The following KLKB1 variants were observed in gnomAD, a reference collection of about 807,000 sequenced individuals.
The protein encoded by KLKB1 is plasma kallikrein.
Under a neutral mutation model 73.6 loss-of-function variants are expected in KLKB1, and 58 were observed. That is an observed-to-expected ratio of 0.79 (90% CI 0.64 to 0.98). The LOEUF is 0.98. Among genes scored for constraint, KLKB1 ranks in the 50% least tolerant of loss-of-function variants. KLKB1 has a pLI of 0.00. For synonymous variants in KLKB1, 280 were observed against 258.1 expected (o/e 1.08, Z -0.81); for missense variants, 737 against 763.8 (o/e 0.96, Z 0.41).
chr4:186,227,421 T>C (rs1273781146), upstream of KLKB1: 3 of 152,228 alleles, frequency 2.0e-5, no homozygotes, highest in Non-Finnish European at 4.4e-5. Context: ...GATAGGATGT[T>C]CATGGAATAT....
In KLKB1 at chr4:186,250,828, G is replaced by C. The variant is rs1738629388; in HGVS notation, c.759-391G>C. 5.3e-5 allele frequency among the ~76,000 whole-genome samples: 8 copies of C among 152,302 alleles called. No homozygotes were observed. The South Asian group carries it at 1.7e-3, about 32-fold the overall frequency. ...ATTCTGATCAAGGCTCTGGCCCACT[G>C]TCTTTATCTCAGATAACCCACCCTC... On this transcript the variant is annotated intron_variant, in intron 7 of 14. Transcript: ENST00000264690.
At chr4:186,238,183 C>A in intron 5 of KLKB1, 73 bp from the exon 6 acceptor site, 1 of 948,804 alleles carries the variant, frequency 1.1e-6, no homozygotes, top group Non-Finnish European at 1.7e-6. Context: ...CATTTTAATA[C>A]TAACTGTTAC....
rs770012003 is a variant in KLKB1, at chr4:186,251,223, G to A, written c.763G>A (p.Val255Ile). The A allele has an allele frequency of 2.5e-6, 4 of 1,588,534 alleles. No homozygotes were observed. Among genetic ancestry groups the A allele is most frequent in the Non-Finnish European group, 3.5e-6 (4 of 1,158,238 alleles). ...GCTTTTTTTTAAAAAAAATAGAAAT[G>A]TTTGTCTTCTTAAAACATCTGAAAG... ...NVWKIESQRNVCLLKTSESGT... is the reference protein window; with the variant it reads ...NVWKIESQRNICLLKTSESGT... The change falls in exon 8 of 15, where the codon GTT (valine) becomes ATT (isoleucine). Residue 255 changes from valine to isoleucine, a missense_variant. By Grantham distance (29) the Val-to-Ile change is conservative (BLOSUM62 3). Coordinates refer to ENST00000264690, the MANE Select transcript of KLKB1 (RefSeq NM_000892.5).
Position 186,232,307 on chromosome 4 carries a change from AT to A in KLKB1, c.221+20del. On this transcript the variant is annotated intron_variant, in intron 3 of 14. Transcript: ENST00000264690. Reference sequence around the variant, plus strand: ...GAGAAAAGGTAAAAGTTGGTATTTCATTATTGGAGAAGCTGTTTTTCAAAAC... The same window carrying A: ...GAGAAAAGGTAAAAGTTGGTATTTCATATTGGAGAAGCTGTTTTTCAAAAC... 6.2e-7 allele frequency: 1 copy of A among 1,610,092 alleles called. No homozygotes were observed. The highest frequency in any genetic ancestry group is 8.5e-7 in the Non-Finnish European group (1 of 1,176,320).
At chr4:186,257,784 G>A (rs1019093696) in intron 14 of KLKB1, among the ~76,000 whole-genome samples, 5 of 132,436 alleles carry the variant, frequency 3.8e-5, no homozygotes, top group Non-Finnish European at 6.4e-5. Context: ...TGTGTGTCTG[G>A]CAAGCAAGGT....
chr4:186,218,726 A>G (rs993134655), intron 2 of KLKB1, among the ~76,000 whole-genome samples: 2 of 152,074 alleles, frequency 1.3e-5, no homozygotes, highest in African/African-American at 2.4e-5. Flanking sequence ...AGTATTATGA[A>G]CTATAGTCAC....
chr4:186,236,825 A>C lies in KLKB1; in HGVS notation c.373A>C (p.Asn125His). 6.2e-7 allele frequency: 1 copy of C among 1,614,096 alleles called. No individual in the cohort carries two copies. The highest frequency in any genetic ancestry group is 8.5e-7 in the Non-Finnish European group (1 of 1,179,982). Residue 125 changes from asparagine (N) to histidine (H), a missense_variant, in exon 5 of 15, where the codon AAT becomes CAT. Coordinates refer to ENST00000264690, the MANE Select transcript of KLKB1 (RefSeq NM_000892.5). ...TAAAGGAGTTGATATGAGAGGAGTC[A>C]ATTTTAATGTGTCTAAGGTTAGCAG... ...IYKGVDMRGV[N>H]FNVSKVSSVE...
upstream of KLKB1, among the ~76,000 whole-genome samples, chr4:186,222,085 C>A (rs1010659893): frequency 5.3e-5 from 8 of 152,188 alleles, no homozygotes; most frequent in Non-Finnish European, 1.0e-4. Flanking sequence ...GCCACCTCTG[C>A]TTTCGTTTGG....
At chr4:186,219,031 C>T (rs920766638) in intron 2 of KLKB1, among the ~76,000 whole-genome samples, 1 of 152,172 alleles carries the variant, frequency 6.6e-6, no homozygotes, top group Non-Finnish European at 1.5e-5. Context: ...TGTTCAAGGG[C>T]AGGAAACATC....
In KLKB1 at chr4:186,258,462, T is replaced by C; in HGVS notation, c.*250T>C. ...GACTGTGTGTTGTGAAATAAAATGGTGAAAGATCACGATTAGCAAGTGTTT... is the reference window on the plus strand; with the variant it reads ...GACTGTGTGTTGTGAAATAAAATGGCGAAAGATCACGATTAGCAAGTGTTT... On this transcript the variant is annotated 3_prime_UTR_variant, in exon 15 of 15. Coordinates refer to ENST00000264690, the MANE Select transcript of KLKB1 (RefSeq NM_000892.5). The C allele has an allele frequency of 5.5e-6, 3 of 549,380 alleles. No homozygotes were observed. Among genetic ancestry groups the C allele is most frequent in the Non-Finnish European group, 9.8e-6 (3 of 305,054 alleles). 34.0% of individuals were successfully genotyped at this position (549,380 alleles called of 1,614,324 possible).
Position 186,258,439 on chromosome 4 carries a change from C to T in KLKB1, c.*227C>T. The T allele has an allele frequency of 1.7e-6, 1 of 586,602 alleles. No homozygotes were observed. The highest frequency in any genetic ancestry group is 3.1e-6 in the Non-Finnish European group (1 of 327,598). The allele number at this position is 586,602 out of a possible 1,614,324, so 36.3% of individuals were successfully genotyped here. Reference sequence around the variant, plus strand: ...GAGGTCGCAACTGAGATCTCCATGACTGTGTGTTGTGAAATAAAATGGTGA... The same window carrying T: ...GAGGTCGCAACTGAGATCTCCATGATTGTGTGTTGTGAAATAAAATGGTGA... On this transcript the variant is annotated 3_prime_UTR_variant, in exon 15 of 15. Coordinates refer to ENST00000264690, the MANE Select transcript of KLKB1 (RefSeq NM_000892.5).
intron 7 of KLKB1, among the ~76,000 whole-genome samples, 191 bp downstream of exon 7, chr4:186,250,593 T>C (rs1662701205): frequency 2.0e-5 from 3 of 152,252 alleles, no homozygotes; most frequent in Admixed American, 2.0e-4. Flanking sequence ...CAGACTTCTC[T>C]GCCTATCTTC....
chr4:186,232,371 G>A lies in KLKB1; in HGVS notation c.221+82G>A, dbSNP rs535642106. ...GTGCAGAAAGGTGTAGTATAACTGA[G>A]AGTTCTTCCTCACACGGGGTTCAAG... On this transcript the variant is annotated intron_variant, in intron 3 of 14. Transcript: ENST00000264690. 6.6e-5 allele frequency: 87 copies of A among 1,308,690 alleles called. No individual in the cohort carries two copies. In the African/African-American group the frequency reaches 1.2e-3, roughly 18 times the overall value. The allele number at this position is 1,308,690 out of a possible 1,614,324, so 81.1% of individuals were successfully genotyped here.
intron 6 of KLKB1, among the ~76,000 whole-genome samples, chr4:186,244,957 A>G (rs1221220133): frequency 2.0e-5 from 3 of 152,096 alleles, no homozygotes; most frequent in African/African-American, 7.2e-5. Flanking sequence ...ATACTTGTGG[A>G]TTAAGGTGGG....
rs1738303023 is a variant in KLKB1, at chr4:186,245,808, T to TTTTTC, written c.599-4432_599-4431insTCTTT. ...CTGGAATCTAATTTTTGGAGTTTTT[T>TTTTTC]TTTGTTTGTTTTTTGGTTTTTTTTT... On this transcript the variant is annotated intron_variant, in intron 6 of 14. Coordinates refer to ENST00000264690, the MANE Select transcript of KLKB1 (RefSeq NM_000892.5). Among the ~76,000 whole-genome samples, 2 of 89,522 alleles carry TTTTTC rather than the reference T, an allele frequency of 2.2e-5. 1 individual carries two copies. The highest frequency in any genetic ancestry group is 4.7e-5 in the Non-Finnish European group (2 of 42,946). The allele number at this position is 89,522 out of a possible 152,430, so 58.7% of individuals were successfully genotyped here. A position where few individuals can be genotyped will look rare whatever the true frequency, so the allele number is the denominator to read the frequency against.
At chr4:186,221,449 C>A (rs1267056388), upstream of KLKB1, among the ~76,000 whole-genome samples, 1 of 151,782 alleles carries the variant, frequency 6.6e-6, no homozygotes, top group Non-Finnish European at 1.5e-5. Flanking sequence ...CTTCTTAGAA[C>A]TGCTTTTGCT....
chr4:186,253,126 T>C (rs1046498091), intron 11 of KLKB1, among the ~76,000 whole-genome samples: 1 of 152,222 alleles, frequency 6.6e-6, no homozygotes, highest in Admixed American at 6.5e-5. Context: ...AAGTGACACA[T>C]TTAAAATGCT....
At chr4:186,251,395 G>A (rs1738666519) in intron 8 of KLKB1, 67 bp downstream of exon 8, 3 of 1,507,468 alleles carry the variant, frequency 2.0e-6, no homozygotes, top group Non-Finnish European at 1.8e-6. Context: ...CAGCAACAGT[G>A]ATGAAACAAT....
intron 14 of KLKB1, among the ~76,000 whole-genome samples, chr4:186,257,738 A>AGAGT (rs1016574099): frequency 1.5e-5 from 2 of 129,284 alleles, no homozygotes; most frequent in Admixed American, 8.6e-5. Context: ...ACTTTAAGAA[A>AGAGT]GAGTGAGTGT....
Sources: allele counts gnomAD v4.1 joint callset (sites outside exome capture counted in the v4.1 genomes callset), GRCh38; gene constraint gnomAD v4.1.1; transcripts MANE v1.5; gene names NCBI Gene and HGNC (gene_info 2026-07-23, HGNC 2026-07-21).